The following CHD6 variants were observed in gnomAD, a reference collection of about 807,000 sequenced individuals.
CHD6 encodes the protein ATP-dependent chromatin remodeler CHD6.
A neutral mutation model predicts 276.9 loss-of-function variants in CHD6; 50 were observed. The observed-to-expected ratio is 0.18, with a 90% confidence interval of 0.14 to 0.23. CHD6 has a LOEUF of 0.23. Ranked by LOEUF, CHD6 falls within the 10% of genes least tolerant of loss-of-function variation. The pLI, the probability that CHD6 is intolerant of heterozygous loss-of-function variation, is 1.00. For missense variants in CHD6, 2,564 were observed against 3,365.8 expected, an observed-to-expected ratio of 0.76 and a Z score of 5.89; for synonymous variants, 1,173 against 1,229.3, an observed-to-expected ratio of 0.95 and a Z score of 0.96.
chr20:41,434,573 T>C (rs2047648554), intron 27 of CHD6, among the ~76,000 whole-genome samples: 1 of 152,180 alleles, frequency 6.6e-6, no homozygotes, highest in Non-Finnish European at 1.5e-5. Flanking sequence ...TTTCACCATG[T>C]TGGTCAGGCT....
chr20:41,591,480 C>T (rs949426354), intron 1 of CHD6, among the ~76,000 whole-genome samples: 14 of 150,604 alleles, frequency 9.3e-5, no homozygotes, highest in African/African-American at 3.2e-4. Context: ...CACTTGAGGT[C>T]GAGAGTTCAA....
At chr20:41,409,817 TATGTC>T (rs2046790182) in intron 36 of CHD6, among the ~76,000 whole-genome samples, 1 of 152,196 alleles carries the variant, frequency 6.6e-6, no homozygotes, top group East Asian at 1.9e-4. Context: ...TTAGGGGTGA[TATGTC>T]ATGTCTGCAA....
At chr20:41,615,037 T>C (rs760947295) in intron 1 of CHD6, among the ~76,000 whole-genome samples, 31 of 152,314 alleles carry the variant, frequency 2.0e-4, no homozygotes, top group Admixed American at 9.8e-4. Flanking sequence ...CCTAACACCA[T>C]ACCACTAAAA....
chr20:41,441,931 C>T (rs2047914346), intron 25 of CHD6, among the ~76,000 whole-genome samples: 1 of 152,238 alleles, frequency 6.6e-6, no homozygotes, highest in South Asian at 2.1e-4. Context: ...AAATTTCACA[C>T]ATCCAGGCTA....
In CHD6 at chr20:41,456,664, C is replaced by T. The variant is rs141258307; in HGVS notation, c.2829+600G>A. Among the ~76,000 whole-genome samples, 78 of 152,280 alleles carry T rather than the reference C, an allele frequency of 5.1e-4. No homozygotes were observed. In the East Asian group the frequency reaches 0.012, roughly 24 times the overall value. ...AACTCATTTAGAAGGTTTAAGCATCCAATCTTTGATGCCCTGAGCCCAGAG... is the reference window on the plus strand; with the variant it reads ...AACTCATTTAGAAGGTTTAAGCATCTAATCTTTGATGCCCTGAGCCCAGAG... On this transcript the variant is annotated intron_variant, in intron 18 of 36. Transcript: ENST00000373233.
In CHD6 at chr20:41,455,771, C is replaced by G. The variant is rs769607764; in HGVS notation, c.3009+29G>C. On this transcript the variant is annotated intron_variant, in intron 19 of 36. Coordinates refer to ENST00000373233, the MANE Select transcript of CHD6 (RefSeq NM_032221.5). ...AAACATTTTTTTTTCTCTCCCACCC[C>G]CAACAGCTCTGGAGAGAAGGCCCTG... 6.4e-6 allele frequency: 9 copies of G among 1,414,870 alleles called. No individual in the cohort carries two copies. The East Asian group carries it at 1.3e-4, about 20-fold the overall frequency. The allele number at this position is 1,414,870 out of a possible 1,614,324, so 87.6% of individuals were successfully genotyped here. A position where few individuals can be genotyped will look rare whatever the true frequency, so the allele number is the denominator to read the frequency against.
intron 1 of CHD6, among the ~76,000 whole-genome samples, chr20:41,587,398 TAA>T (rs1228241230): frequency 6.6e-6 from 1 of 152,232 alleles, no homozygotes; most frequent in Non-Finnish European, 1.5e-5. Context: ...TTGGAGTTGA[TAA>T]GAGAATAAGT....
chr20:41,483,348 C>G lies in CHD6; in HGVS notation c.2429G>C (p.Arg810Pro), dbSNP rs1324455436. Residue 810 changes from arginine to proline, a missense_variant, in exon 16 of 37, where the codon CGC becomes CCC. Coordinates refer to ENST00000373233, the MANE Select transcript of CHD6 (RefSeq NM_032221.5). ...GTAATCTTCTAGGATGTCGAGGCAGCGCACCATCTGGGAGAAGATGAGTAC... is the reference window on the plus strand; with the variant it reads ...GTAATCTTCTAGGATGTCGAGGCAGGGCACCATCTGGGAGAAGATGAGTAC... ...HKVLIFSQMVRCLDILEDYLI... is the reference protein window; with the variant it reads ...HKVLIFSQMVPCLDILEDYLI... 1.2e-6 allele frequency: 2 copies of G among 1,613,592 alleles called. No homozygotes were observed. The highest frequency in any genetic ancestry group is 1.7e-6 in the Non-Finnish European group (2 of 1,179,730).
chr20:41,549,248 G>A (rs1021198600), intron 2 of CHD6, among the ~76,000 whole-genome samples: 2 of 151,862 alleles, frequency 1.3e-5, no homozygotes, highest in African/African-American at 4.8e-5. Context: ...CAATCCAAAT[G>A]TCCAACAACG....
At chr20:41,499,949 C>T (rs1448965648) in intron 5 of CHD6, among the ~76,000 whole-genome samples, 1 of 152,170 alleles carries the variant, frequency 6.6e-6, no homozygotes, top group Non-Finnish European at 1.5e-5. Context: ...GGCTGTTTCA[C>T]TGATCATCCT....
At chr20:41,468,173 G>C (rs1175825150) in intron 17 of CHD6, among the ~76,000 whole-genome samples, 1 of 148,846 alleles carries the variant, frequency 6.7e-6, no homozygotes. Context: ...GCAATGGCAT[G>C]ATCTTGGCTC....
At chr20:41,532,301 A>G (rs901994245) in intron 3 of CHD6, among the ~76,000 whole-genome samples, 1 of 152,200 alleles carries the variant, frequency 6.6e-6, no homozygotes, top group African/African-American at 2.4e-5. Flanking sequence ...AATGAACTAG[A>G]TAAACAGATC....
intron 25 of CHD6, 146 bp from the exon 26 acceptor site, chr20:41,440,275 G>A (rs902109474): frequency 1.4e-6 from 1 of 731,310 alleles, no homozygotes; most frequent in East Asian, 2.7e-5. Flanking sequence ...GATCCTATAA[G>A]ACTATCAGGG....
rs1410805652 is a variant in CHD6, at chr20:41,515,018, C to CA, written c.555-67dup. 16 of 1,530,410 alleles carry CA rather than the reference C, an allele frequency of 1.0e-5. No homozygotes were observed. In the Admixed American group the frequency reaches 2.1e-4, roughly 20 times the overall value. 94.8% of individuals were successfully genotyped at this position (1,530,410 alleles called of 1,614,324 possible). ...TTAAAACTAAGATTTCTCATGTGATCAACGTCATGAAATCACATCCTGGAA... is the reference window on the plus strand; with the variant it reads ...TTAAAACTAAGATTTCTCATGTGATCAAACGTCATGAAATCACATCCTGGAA... On this transcript the variant is annotated intron_variant, in intron 3 of 36. Coordinates refer to ENST00000373233, the MANE Select transcript of CHD6 (RefSeq NM_032221.5).
chr20:41,605,137 CAAA>C (rs913961815), intron 1 of CHD6, among the ~76,000 whole-genome samples: 2 of 151,380 alleles, frequency 1.3e-5, no homozygotes, highest in Non-Finnish European at 2.9e-5. Flanking sequence ...GGTATTGTCA[CAAA>C]AAAAGTCATA....
intron 27 of CHD6, among the ~76,000 whole-genome samples, chr20:41,434,165 A>C (rs911097888): frequency 6.6e-6 from 1 of 152,214 alleles, no homozygotes; most frequent in Non-Finnish European, 1.5e-5. Flanking sequence ...CCTGTATGCT[A>C]TCTATAGGAA....
At chr20:41,510,412 G>A (rs895392977) in intron 5 of CHD6, among the ~76,000 whole-genome samples, 2 of 152,204 alleles carry the variant, frequency 1.3e-5, no homozygotes, top group African/African-American at 4.8e-5. Flanking sequence ...CACTGGTTGT[G>A]TAGCCTGCCC....
rs943000483 is a variant in CHD6, at chr20:41,489,885, C to G, written c.1573G>C (p.Glu525Gln). Residue 525 changes from glutamate (E) to glutamine (Q), a missense_variant, in exon 12 of 37, where the codon GAG becomes CAG. Physicochemically the swap from Glu to Gln is conservative, Grantham distance 29. This residue lies in a region of CHD6 where 457 missense variants were observed against 889.0 expected (regional missense o/e 0.51). Transcript: ENST00000373233. ...TCTGTCCATGTCCGGAACTCCCGCTCCCAGTTAGTGATGGTGGAGAGAGGG... is the reference window on the plus strand; with the variant it reads ...TCTGTCCATGTCCGGAACTCCCGCTGCCAGTTAGTGATGGTGGAGAGAGGG... ...IAPLSTITNW[E>Q]REFRTWTEMN... 6.2e-7 allele frequency: 1 copy of G among 1,613,976 alleles called. No homozygotes were observed. The highest frequency in any genetic ancestry group is 8.5e-7 in the Non-Finnish European group (1 of 1,179,958).
chr20:41,481,692 T>C (rs952049532), intron 16 of CHD6, among the ~76,000 whole-genome samples: 15 of 152,070 alleles, frequency 9.9e-5, no homozygotes, highest in African/African-American at 3.6e-4. Context: ...ACATTTATCC[T>C]AAAGAAATAA....
Sources: allele counts gnomAD v4.1 joint callset (sites outside exome capture counted in the v4.1 genomes callset), GRCh38; gene constraint gnomAD v4.1.1; regional missense constraint gnomAD v4.1.1; transcripts MANE v1.5; gene names NCBI Gene and HGNC (gene_info 2026-07-23, HGNC 2026-07-21).